RNF20: variants seen among roughly 807,000 people sequenced by gnomAD.
RNF20 encodes ring finger protein 20.
A neutral mutation model predicts 126.2 loss-of-function variants in RNF20; 84 were observed. The ratio of observed to expected loss-of-function variants is 0.67; its 90% CI spans 0.56 to 0.80. The LOEUF (loss-of-function observed/expected upper bound fraction) is 0.80. RNF20 is among the 30% of genes least tolerant of loss of function. RNF20 has a pLI of 0.00. For missense variants in RNF20, 869 were observed against 1,188.2 expected, an observed-to-expected ratio of 0.73 and a Z score of 3.95; for synonymous variants, 400 against 414.3, an observed-to-expected ratio of 0.97 and a Z score of 0.42.
intron 19 of RNF20, 22 bp from the exon 20 acceptor site, chr9:101,562,224 C>T (rs200798889): frequency 1.7e-4 from 265 of 1,603,138 alleles, no homozygotes; most frequent in Admixed American, 1.3e-3. Context: ...GTTGTTCAAA[C>T]TCTGACATCT....
At chr9:101,541,733 G>A (rs1433478729) in intron 5 of RNF20, among the ~76,000 whole-genome samples, 1 of 151,920 alleles carries the variant, frequency 6.6e-6, no homozygotes, top group African/African-American at 2.4e-5. Flanking sequence ...TTTCATTATC[G>A]CTAATGTTTT....
intron 2 of RNF20, 80 bp from the exon 3 acceptor site, chr9:101,540,123 A>T: frequency 7.6e-7 from 1 of 1,320,072 alleles, no homozygotes; most frequent in East Asian, 2.4e-5. Flanking sequence ...TAACTAATGA[A>T]TAATTGTGAC....
In RNF20 at chr9:101,552,267, C is replaced by T. The variant is rs1827459163; in HGVS notation, c.1530+5C>T. ...GCCCAGTCTGACCTGAACAAGGTAA[C>T]CAGAGGGAATAGAATAAATATCATT... On this transcript the variant is annotated splice_donor_5th_base_variant and intron_variant, in intron 12 of 19. Coordinates refer to ENST00000389120, the MANE Select transcript of RNF20 (RefSeq NM_019592.7). 9 of 1,614,032 alleles carry T rather than the reference C, an allele frequency of 5.6e-6. No homozygotes were observed. The highest frequency in any genetic ancestry group is 1.1e-5 in the South Asian group (1 of 91,072).
intron 19 of RNF20, 35 bp from the exon 20 acceptor site, chr9:101,562,211 A>T: frequency 6.3e-7 from 1 of 1,595,020 alleles, no homozygotes; most frequent in Non-Finnish European, 8.6e-7. Flanking sequence ...ATAAACTTTC[A>T]TGGTTGTTCA....
In RNF20 at chr9:101,535,570, C is replaced by CA; in HGVS notation, c.129+19dup. The stretch of plus-strand genomic sequence containing the variant: ...CTTCAACGGTATGAGGAAACAGTGC[C>CA]ATGAAAGTGTGCTTGTCTTCTGTCA... On this transcript the variant is annotated intron_variant, in intron 2 of 19. Transcript: ENST00000389120. The CA allele has an allele frequency of 6.2e-7, 1 of 1,600,168 alleles. No homozygotes were observed. The highest frequency in any genetic ancestry group is 8.5e-7 in the Non-Finnish European group (1 of 1,173,714).
At position 101,561,281 on chromosome 9, in the gene RNF20, G is replaced by A. The variant is rs754339014; in HGVS notation, c.2649+51G>A. 15 of 1,571,982 alleles carry A rather than the reference G, an allele frequency of 9.5e-6. No homozygotes were observed. The Admixed American group carries it at 2.1e-4, about 22-fold the overall frequency. The stretch of plus-strand genomic sequence containing the variant: ...ACCTTTTAGGTGTTTTCTGAGGTCG[G>A]AAGTGACCCATATCATGAAAGAATC... On this transcript the variant is annotated intron_variant, in intron 18 of 19. Coordinates refer to ENST00000389120, the MANE Select transcript of RNF20 (RefSeq NM_019592.7).
chr9:101,552,333 A>C, intron 12 of RNF20, 50 bp from the exon 13 acceptor site: 1 of 1,612,068 alleles, frequency 6.2e-7, no homozygotes, highest in Non-Finnish European at 8.5e-7. Context: ...TGAGGTCGGC[A>C]ATGTGGTTAT....
In RNF20 at chr9:101,562,553, T is replaced by C; in HGVS notation, c.*131T>C. ...AGTCAACTACCTTTCCTCCAGACTTTACTTCCAGGCTCTCCTCTTCAGTAG... is the reference window on the plus strand; with the variant it reads ...AGTCAACTACCTTTCCTCCAGACTTCACTTCCAGGCTCTCCTCTTCAGTAG... On this transcript the variant is annotated 3_prime_UTR_variant, in exon 20 of 20. Coordinates refer to ENST00000389120, the MANE Select transcript of RNF20 (RefSeq NM_019592.7). The C allele has an allele frequency of 1.2e-6, 1 of 802,674 alleles. No homozygotes were observed. Among genetic ancestry groups the C allele is most frequent in the Non-Finnish European group, 1.9e-6 (1 of 529,748 alleles). 49.7% of individuals were successfully genotyped at this position (802,674 alleles called of 1,614,324 possible). A position where few individuals can be genotyped will look rare whatever the true frequency, so the allele number is the denominator to read the frequency against.
rs1400766202 is a variant in RNF20 at position 101,552,626 on chromosome 9, C to T, written c.1774C>T (p.Arg592Ter). 5.9e-6 allele frequency: 9 copies of T among 1,528,936 alleles called. No homozygotes were observed. Among genetic ancestry groups the T allele is most frequent in the South Asian group, 2.2e-5 (2 of 89,296 alleles). 94.7% of individuals were successfully genotyped at this position (1,528,936 alleles called of 1,614,324 possible). ...REREKEKERE[R>*]EKQKLKESEK... Reference sequence around the variant, plus strand: ...ACGGGAGAAGGAGAAGGAGAGAGAACGAGAGAAGCAGAAGCTAAAAGAGTC... The same window carrying T: ...ACGGGAGAAGGAGAAGGAGAGAGAATGAGAGAAGCAGAAGCTAAAAGAGTC... The change falls in exon 13 of 20, where the codon CGA (arginine) becomes TGA (stop). Residue 592 changes from arginine to a stop codon, truncating the protein, a stop_gained. Coordinates refer to ENST00000389120, the MANE Select transcript of RNF20 (RefSeq NM_019592.7). LOFTEE classifies it high-confidence loss of function.
chr9:101,552,596 A>T lies in RNF20; in HGVS notation c.1744A>T (p.Arg582Ter). Residue 582 changes from arginine (R) to a stop codon, truncating the protein, a stop_gained, in exon 13 of 20, where the codon AGA becomes TGA. Coordinates refer to ENST00000389120, the MANE Select transcript of RNF20 (RefSeq NM_019592.7). LOFTEE classifies it high-confidence loss of function. ...GAGGGAGAAGGAGAGGGAACGAGAAAGAGAACGGGAGAAGGAGAAGGAGAG... is the reference window on the plus strand; with the variant it reads ...GAGGGAGAAGGAGAGGGAACGAGAATGAGAACGGGAGAAGGAGAAGGAGAG... The part of the protein sequence containing the change: ...ERREKERERE[R>*]EREKEKERER... The T allele has an allele frequency of 6.4e-7, 1 of 1,574,760 alleles. No individual in the cohort carries two copies. Among genetic ancestry groups the T allele is most frequent in the Non-Finnish European group, 8.7e-7 (1 of 1,144,144 alleles).
At chr9:101,549,960 TG>T (rs1178496493) in intron 9 of RNF20, among the ~76,000 whole-genome samples, 1 of 152,248 alleles carries the variant, frequency 6.6e-6, no homozygotes, top group African/African-American at 2.4e-5. Flanking sequence ...TTTATTATAC[TG>T]GAACAGCTCG....
chr9:101,559,536 A>T (rs1402878056), intron 16 of RNF20, among the ~76,000 whole-genome samples: 1 of 152,080 alleles, frequency 6.6e-6, no homozygotes, highest in Non-Finnish European at 1.5e-5. Flanking sequence ...CGAGCATGGG[A>T]TGTGTTTCCA....
At chr9:101,538,057 A>G (rs1271579205) in intron 2 of RNF20, among the ~76,000 whole-genome samples, 1 of 152,218 alleles carries the variant, frequency 6.6e-6, no homozygotes, top group Non-Finnish European at 1.5e-5. Flanking sequence ...TATAGGACCA[A>G]TGGATTGTAG....
At chr9:101,537,719 A>G (rs1411645956) in intron 2 of RNF20, among the ~76,000 whole-genome samples, 5 of 152,238 alleles carry the variant, frequency 3.3e-5, no homozygotes, top group South Asian at 2.1e-4. Context: ...CAGAAGCTCA[A>G]TGAAGAAAGT....
chr9:101,534,667 G>C (rs1440599320), intron 1 of RNF20, among the ~76,000 whole-genome samples: 1 of 152,166 alleles, frequency 6.6e-6, no homozygotes. Context: ...GACTTGTCTA[G>C]TACTAATGAC....
chr9:101,555,594 T>C (rs2118728830), intron 15 of RNF20, among the ~76,000 whole-genome samples: 1 of 152,292 alleles, frequency 6.6e-6, no homozygotes, highest in Admixed American at 6.5e-5. Context: ...AATGGTAAGT[T>C]GATCATGAAG....
chr9:101,557,019 C>G (rs972132415), intron 15 of RNF20, among the ~76,000 whole-genome samples: 3 of 152,184 alleles, frequency 2.0e-5, no homozygotes, highest in Non-Finnish European at 2.9e-5. Flanking sequence ...TTTGCAACTG[C>G]TGGAAATCCT....
At chr9:101,558,949 G>C (rs1827582393) in intron 16 of RNF20, among the ~76,000 whole-genome samples, 1 of 151,998 alleles carries the variant, frequency 6.6e-6, no homozygotes, top group Non-Finnish European at 1.5e-5. Context: ...TTTGCTTTTG[G>C]GTTCTTGGTC....
At chr9:101,558,619 T>C (rs1017414922) in intron 16 of RNF20, among the ~76,000 whole-genome samples, 2 of 152,154 alleles carry the variant, frequency 1.3e-5, no homozygotes, top group Non-Finnish European at 1.5e-5. Flanking sequence ...GAGGTGGTGT[T>C]GCATTGAGGT....
Sources: allele counts gnomAD v4.1 joint callset (sites outside exome capture counted in the v4.1 genomes callset), GRCh38; gene constraint gnomAD v4.1.1; transcripts MANE v1.5; gene names NCBI Gene and HGNC (gene_info 2026-07-23, HGNC 2026-07-21).